The following CLEC2L variants were observed in gnomAD, a reference collection of about 807,000 sequenced individuals.
The protein encoded by CLEC2L is C-type lectin domain family 2, member L.
In CLEC2L, 14 loss-of-function variants were observed where a neutral mutation model predicts 23.6. That is an observed-to-expected ratio of 0.59 (90% confidence interval 0.39 to 0.93). The LOEUF (loss-of-function observed/expected upper bound fraction) is 0.93, where lower values mean the gene tolerates loss of function less well. Among genes scored for constraint, CLEC2L ranks in the 40% least tolerant of loss-of-function variants. CLEC2L has a pLI of 0.00. For synonymous variants in CLEC2L, 114 were observed against 121.3 expected, an observed-to-expected ratio of 0.94 and a Z score of 0.40; for missense variants, 264 against 282.4, an observed-to-expected ratio of 0.93 and a Z score of 0.47.
At chr7:139,542,632 G>T (rs1797752688) in intron 4 of CLEC2L, among the ~76,000 whole-genome samples, 1 of 152,356 alleles carries the variant, frequency 6.6e-6, no homozygotes, top group African/African-American at 2.4e-5. Flanking sequence ...CTGAAGGCAG[G>T]CACCTGGGAG....
At position 139,534,297 on chromosome 7, in the gene CLEC2L, T is replaced by C. The variant is rs540517737; in HGVS notation, c.191-1977T>C. On this transcript the variant is annotated intron_variant, in intron 1 of 4. Transcript: ENST00000422142. Reference sequence around the variant, plus strand: ...CCAAGAGGCCAGAAGGCAGAACTTATGCTGACTACGAATCTGTGAATGAAT... The same window carrying C: ...CCAAGAGGCCAGAAGGCAGAACTTACGCTGACTACGAATCTGTGAATGAAT... The C allele has an allele frequency of 8.1e-5, 119 of 1,471,254 alleles. 1 individual carries two copies. The African/African-American group carries it at 1.4e-3, about 17-fold the overall frequency. The allele number at this position is 1,471,254 out of a possible 1,614,324, so 91.1% of individuals were successfully genotyped here. A position where few individuals can be genotyped will look rare whatever the true frequency, so the allele number is the denominator to read the frequency against.
In CLEC2L at chr7:139,525,553, C is replaced by T. The variant is rs111992054; in HGVS notation, c.190+1436C>T. Among the ~76,000 whole-genome samples the T allele has an allele frequency of 9.2e-3, 1,398 of 152,236 alleles. 25 individuals are homozygous for T. Among genetic ancestry groups the T allele is most frequent in the African/African-American group, 0.032 (1,335 of 41,510 alleles). On this transcript the variant is annotated intron_variant, in intron 1 of 4. Transcript: ENST00000422142. ...GGATGGAGGTGGTCAGACACCCCCC[C>T]GTGACGCTGTCTCCGGCTTTACTGT...
At chr7:139,531,543 A>G (rs938199971) in intron 1 of CLEC2L, among the ~76,000 whole-genome samples, 1 of 152,218 alleles carries the variant, frequency 6.6e-6, no homozygotes, top group Admixed American at 6.5e-5. Flanking sequence ...AAGAGATCCA[A>G]CATTTGAAGA....
At chr7:139,538,458 C>T (rs1479626699) in intron 2 of CLEC2L, among the ~76,000 whole-genome samples, 2 of 142,088 alleles carry the variant, frequency 1.4e-5, no homozygotes, top group Non-Finnish European at 3.1e-5. Flanking sequence ...AAACAAAAAA[C>T]AAAAAAAGGT....
intron 1 of CLEC2L, among the ~76,000 whole-genome samples, chr7:139,528,932 G>T (rs1471404790): frequency 6.6e-6 from 1 of 152,206 alleles, no homozygotes; most frequent in African/African-American, 2.4e-5. Flanking sequence ...TACATGTACC[G>T]ATCCCTCTTC....
At chr7:139,524,258 A>G (rs1797473712) in intron 1 of CLEC2L, 141 bp downstream of exon 1, 2 of 700,534 alleles carry the variant, frequency 2.9e-6, no homozygotes, top group Non-Finnish European at 3.4e-6. Context: ...CGGCGGAGTC[A>G]TTCATTTCAG....
chr7:139,538,445 A>AAAAC (rs1554411458), intron 2 of CLEC2L, among the ~76,000 whole-genome samples: 15 of 146,454 alleles, frequency 1.0e-4, no homozygotes, highest in African/African-American at 3.6e-4. Flanking sequence ...AAAAAAAAAC[A>AAAAC]AAAAACAAAA....
chr7:139,540,114 G>A lies in CLEC2L; in HGVS notation c.266-207G>A, dbSNP rs1015826249. ...GGCTGCCCTGCTGTCACTTCCCGTC[G>A]TGATGATGCCCCTGCCAGGCTTCCC... On this transcript the variant is annotated intron_variant, in intron 2 of 4. Coordinates refer to ENST00000422142, the MANE Select transcript of CLEC2L (RefSeq NM_001080511.4). The surrounding 1 kb of genome is among the most constrained non-coding windows in gnomAD (Gnocchi z 5.8). The A allele has an allele frequency of 2.0e-5, 11 of 561,828 alleles. No individual in the cohort carries two copies. Among genetic ancestry groups the A allele is most frequent in the Non-Finnish European group, 3.2e-5 (10 of 316,120 alleles). The allele number at this position is 561,828 out of a possible 1,614,324, so 34.8% of individuals were successfully genotyped here. A position where few individuals can be genotyped will look rare whatever the true frequency, so the allele number is the denominator to read the frequency against.
In CLEC2L at chr7:139,539,810, G is replaced by A. The variant is rs769760527; in HGVS notation, c.266-511G>A. The A allele has an allele frequency of 3.6e-4, 58 of 160,586 alleles. No individual in the cohort carries two copies. Among genetic ancestry groups the A allele is most frequent in the Non-Finnish European group, 7.0e-4 (51 of 73,220 alleles). The allele number at this position is 160,586 out of a possible 1,614,324, so 9.9% of individuals were successfully genotyped here. On this transcript the variant is annotated intron_variant, in intron 2 of 4. Coordinates refer to ENST00000422142, the MANE Select transcript of CLEC2L (RefSeq NM_001080511.4). The surrounding 1 kb of genome is among the most constrained non-coding windows in gnomAD (Gnocchi z 4.1). ...GACCAGCAGGTCTAGGTCACAGGGG[G>A]ACAGGTTGGGACTCAACATTTAAGA...
At chr7:139,531,960 C>T (rs1797589310) in intron 1 of CLEC2L, among the ~76,000 whole-genome samples, 1 of 151,054 alleles carries the variant, frequency 6.6e-6, no homozygotes, top group African/African-American at 2.4e-5. Context: ...AACTGAAAAA[C>T]ATCACTTTCC....
At position 139,544,640 on chromosome 7, in the gene CLEC2L, C is replaced by T. The variant is rs1170261981; in HGVS notation, c.*298C>T. 1.5e-5 allele frequency: 5 copies of T among 327,350 alleles called. No individual in the cohort carries two copies. The allele number at this position is 327,350 out of a possible 1,614,324, so 20.3% of individuals were successfully genotyped here. On this transcript the variant is annotated 3_prime_UTR_variant, in exon 5 of 5. Transcript: ENST00000422142. ...GTACACGCACGCACAGACGCTGTCCCTTCTGAAGCTCAGTGTCCATCCTGA... is the reference window on the plus strand; with the variant it reads ...GTACACGCACGCACAGACGCTGTCCTTTCTGAAGCTCAGTGTCCATCCTGA...
In CLEC2L at chr7:139,540,439, C is replaced by A; in HGVS notation, c.384C>A (p.Cys128Ter). The A allele has an allele frequency of 6.2e-7, 1 of 1,604,258 alleles. No individual in the cohort carries two copies. Residue 128 changes from cysteine to a stop codon, truncating the protein, a stop_gained, in exon 3 of 5, where the codon TGC becomes TGA. Transcript: ENST00000422142. LOFTEE classifies it high-confidence loss of function. This position sits in a 1 kb window ranked among gnomAD's most constrained non-coding sequence, Gnocchi z 5.8. ...ACTGGAACACAGGCAGGCAGTACTG[C>A]CACACCCACGAGGCGGTGCTGGCTG... ...PRDWNTGRQY[C>*]HTHEAVLAVI...
At chr7:139,543,967 A>G (rs1797772587) in intron 4 of CLEC2L, among the ~76,000 whole-genome samples, 1 of 152,176 alleles carries the variant, frequency 6.6e-6, no homozygotes, top group African/African-American at 2.4e-5. Context: ...CCGACCCTGC[A>G]AGGACATTGA....
intron 1 of CLEC2L, among the ~76,000 whole-genome samples, chr7:139,525,673 G>T (rs1297510225): frequency 6.6e-6 from 1 of 152,088 alleles, no homozygotes; most frequent in African/African-American, 2.4e-5. Flanking sequence ...TCATTTATTC[G>T]TCAGCATTTC....
chr7:139,528,139 A>C (rs963003229), intron 1 of CLEC2L, among the ~76,000 whole-genome samples: 1 of 152,224 alleles, frequency 6.6e-6, no homozygotes, highest in African/African-American at 2.4e-5. Flanking sequence ...ATTTGTTAGA[A>C]GTTGAATTGT....
intron 1 of CLEC2L, among the ~76,000 whole-genome samples, chr7:139,528,943 C>T (rs1797542000): frequency 6.6e-6 from 1 of 152,148 alleles, no homozygotes; most frequent in Admixed American, 6.5e-5. Context: ...ATCCCTCTTC[C>T]CTGTGTGGTC....
In CLEC2L at chr7:139,539,426, G is replaced by A. The variant is rs1797703728; in HGVS notation, c.266-895G>A. 1 of 152,160 alleles carries A rather than the reference G, an allele frequency of 6.6e-6. No individual in the cohort carries two copies. Among genetic ancestry groups the A allele is most frequent in the Non-Finnish European group, 1.5e-5 (1 of 68,038 alleles). The allele number at this position is 152,160 out of a possible 1,614,324, so 9.4% of individuals were successfully genotyped here. ...TTGTGGATTAATTCCTTTTGGCAAG[G>A]AGGCCCTTTGAGAAGCTCCGGGCTT... On this transcript the variant is annotated intron_variant, in intron 2 of 4. Coordinates refer to ENST00000422142, the MANE Select transcript of CLEC2L (RefSeq NM_001080511.4). The surrounding 1 kb of genome is among the most constrained non-coding windows in gnomAD (Gnocchi z 4.1).
chr7:139,535,461 ATT>A (rs777005201), intron 1 of CLEC2L, among the ~76,000 whole-genome samples: 18 of 152,214 alleles, frequency 1.2e-4, no homozygotes, highest in Non-Finnish European at 2.2e-4. Context: ...GTTGCACAAC[ATT>A]GTGAGTGTAC....
At chr7:139,542,844 C>T (rs1176857742) in intron 4 of CLEC2L, among the ~76,000 whole-genome samples, 2 of 151,922 alleles carry the variant, frequency 1.3e-5, no homozygotes, top group African/African-American at 4.8e-5. Context: ...ACAGTGGTGA[C>T]TGTGTGGGGC....
Sources: gnomAD v4.1 joint callset for allele counts (sites outside exome capture counted in the v4.1 genomes callset) on GRCh38, gnomAD v4.1.1 for gene constraint, Gnocchi (gnomAD v3.1) non-coding constraint, MANE v1.5 for transcripts, NCBI Gene and HGNC (gene_info 2026-07-23, HGNC 2026-07-21) for gene names.